ZNF385D: variants seen among roughly 807,000 people sequenced by gnomAD.
ZNF385D encodes the protein zinc finger protein 659.
Under a neutral mutation model 35.8 loss-of-function variants are expected in ZNF385D, and 15 were observed. The observed-to-expected ratio is 0.42, with a 90% CI of 0.28 to 0.64. The LOEUF is 0.64. ZNF385D is among the 30% of genes least tolerant of loss of function. The pLI, the probability that ZNF385D is intolerant of heterozygous loss-of-function variation, is 0.23. For missense variants in ZNF385D, 474 were observed against 494.6 expected (o/e 0.96, Z 0.39); for synonymous variants, 212 against 186.8 (o/e 1.13, Z -1.10).
chr3:21,889,704 G>A (rs909128575), intron 3 of ZNF385D, among the ~76,000 whole-genome samples: 1 of 152,156 alleles, frequency 6.6e-6, no homozygotes, highest in Non-Finnish European at 1.5e-5. Context: ...TTTCTCTGAT[G>A]CTACCTTGTG....
At chr3:21,869,655 A>G (rs1414846825) in intron 3 of ZNF385D, among the ~76,000 whole-genome samples, 1 of 152,160 alleles carries the variant, frequency 6.6e-6, no homozygotes. Context: ...TAAGAGAAAA[A>G]ATAGCGTAAC....
At chr3:22,288,210 T>C (rs1193630866) in intron 2 of ZNF385D, among the ~76,000 whole-genome samples, 1 of 152,100 alleles carries the variant, frequency 6.6e-6, no homozygotes, top group South Asian at 2.1e-4. Context: ...TTTAAAATAA[T>C]GTGCCTCAGA....
intron 5 of ZNF385D, among the ~76,000 whole-genome samples, chr3:21,426,805 A>T (rs376904729): frequency 3.3e-4 from 50 of 152,308 alleles, no homozygotes; most frequent in Middle Eastern, 3.4e-3. Context: ...TGCAGATCAC[A>T]TTATATTAAG....
chr3:21,705,484 T>C (rs560209900), intron 1 of ZNF385D, among the ~76,000 whole-genome samples: 3 of 152,364 alleles, frequency 2.0e-5, no homozygotes, highest in African/African-American at 4.8e-5. Flanking sequence ...AAGTGAATTC[T>C]ACCGTGTTGA....
chr3:21,937,942 A>G (rs75645966), intron 3 of ZNF385D, among the ~76,000 whole-genome samples: 3 of 152,298 alleles, frequency 2.0e-5, no homozygotes, highest in East Asian at 3.9e-4. Flanking sequence ...TCTTCAAAAA[A>G]TGTCTTTCTT....
chr3:22,347,902 A>C (rs1695730946), intron 2 of ZNF385D, among the ~76,000 whole-genome samples: 1 of 152,188 alleles, frequency 6.6e-6, no homozygotes, highest in Non-Finnish European at 1.5e-5. Context: ...GAATGGATAA[A>C]ATGGAATGTG....
At chr3:21,909,246 A>C (rs1442177911) in intron 3 of ZNF385D, among the ~76,000 whole-genome samples, 3 of 152,136 alleles carry the variant, frequency 2.0e-5, no homozygotes, top group African/African-American at 7.2e-5. Flanking sequence ...TTTTGGAACC[A>C]GTTGACAGAA....
At chr3:21,982,729 A>T (rs1348607764) in intron 3 of ZNF385D, among the ~76,000 whole-genome samples, 1 of 152,066 alleles carries the variant, frequency 6.6e-6, no homozygotes. Flanking sequence ...TTTGTCATAG[A>T]TGGCTCTTAT....
At chr3:22,244,361 A>C (rs1244263321) in intron 2 of ZNF385D, among the ~76,000 whole-genome samples, 1 of 90,292 alleles carries the variant, frequency 1.1e-5, no homozygotes, top group Non-Finnish European at 2.2e-5. Context: ...AGACAACCGA[A>C]TGTAAAAAAA....
intron 3 of ZNF385D, among the ~76,000 whole-genome samples, chr3:22,067,568 C>T (rs1700018824): frequency 6.6e-6 from 1 of 152,172 alleles, no homozygotes; most frequent in African/African-American, 2.4e-5. Context: ...TCTAATGATT[C>T]ATAACACTAA....
intron 1 of ZNF385D, among the ~76,000 whole-genome samples, chr3:21,712,184 T>C (rs2068136706): frequency 6.6e-6 from 1 of 152,178 alleles, no homozygotes; most frequent in African/African-American, 2.4e-5. Context: ...ATGGTCTTTC[T>C]GCCCTAAAAC....
chr3:21,822,931 A>G (rs1040668375), intron 3 of ZNF385D, among the ~76,000 whole-genome samples: 2 of 152,192 alleles, frequency 1.3e-5, no homozygotes, highest in Admixed American at 6.5e-5. Context: ...AAAACTGTAA[A>G]TTAAAAAAAG....
chr3:21,705,408 A>C (rs2067859452), intron 1 of ZNF385D, among the ~76,000 whole-genome samples: 1 of 152,264 alleles, frequency 6.6e-6, no homozygotes, highest in African/African-American at 2.4e-5. Context: ...GTTTTCTTAT[A>C]GAAGTCCCAA....
intron 3 of ZNF385D, among the ~76,000 whole-genome samples, chr3:22,097,098 T>G (rs917792271): frequency 5.4e-5 from 8 of 148,574 alleles, no homozygotes; most frequent in Non-Finnish European, 1.1e-4. Context: ...AGAAATGAAT[T>G]GTCCATCTTC....
At chr3:21,887,162 G>T (rs180905439) in intron 3 of ZNF385D, among the ~76,000 whole-genome samples, 1 of 152,236 alleles carries the variant, frequency 6.6e-6, no homozygotes, top group Non-Finnish European at 1.5e-5. Flanking sequence ...ATGAGGACAG[G>T]ACTTTAATGG....
intron 1 of ZNF385D, among the ~76,000 whole-genome samples, chr3:21,731,016 T>A (rs1172152215): frequency 6.6e-6 from 1 of 152,184 alleles, no homozygotes; most frequent in Non-Finnish European, 1.5e-5. Flanking sequence ...AAGTAAACTT[T>A]TGGGAATATA....
At chr3:21,436,149 A>G (rs574941543) in intron 5 of ZNF385D, among the ~76,000 whole-genome samples, 40 of 150,178 alleles carry the variant, frequency 2.7e-4, no homozygotes, top group Middle Eastern at 3.5e-3. Flanking sequence ...GACTGTGTGT[A>G]TGTGTGTGTG....
chr3:22,063,908 A>C (rs1308973623), intron 3 of ZNF385D, among the ~76,000 whole-genome samples: 2 of 152,114 alleles, frequency 1.3e-5, no homozygotes, highest in African/African-American at 4.8e-5. Context: ...GGACACCTTG[A>C]TTTTCCATCT....
At position 21,750,928 on chromosome 3, in the gene ZNF385D, C is replaced by G. The variant is rs2070044247; in HGVS notation, c.-12G>C. On this transcript the variant is annotated 5_prime_UTR_variant, in exon 1 of 8. Transcript: ENST00000281523. The stretch of plus-strand genomic sequence containing the variant: ...ATTATGTTTCTCATTAATCAGACAG[C>G]TGGAATCCCACCGCGGTGTCTTCAG... The G allele has an allele frequency of 1.2e-6, 2 of 1,614,036 alleles. No individual in the cohort carries two copies. Among genetic ancestry groups the G allele is most frequent in the South Asian group, 1.1e-5 (1 of 91,092 alleles).
Sources: gnomAD v4.1 joint callset for allele counts (sites outside exome capture counted in the v4.1 genomes callset) on GRCh38, gnomAD v4.1.1 for gene constraint, MANE v1.5 for transcripts, NCBI Gene and HGNC (gene_info 2026-07-23, HGNC 2026-07-21) for gene names.